EPB41L3: variants seen among roughly 807,000 people sequenced by gnomAD.
The protein encoded by EPB41L3 is erythrocyte membrane protein band 4.1 like 3, also known as band 4.1-like protein 3.
A neutral mutation model predicts 127.1 loss-of-function variants in EPB41L3; 57 were observed. The observed-to-expected ratio is 0.45, with a 90% CI of 0.36 to 0.56. The LOEUF is 0.56. EPB41L3 is among the 20% of genes least tolerant of loss of function. The pLI, the probability that EPB41L3 is intolerant of heterozygous loss-of-function variation, is 0.00. For missense variants in EPB41L3, 1,273 were observed against 1,372.2 expected (o/e 0.93, Z 1.14); for synonymous variants, 572 against 549.5 (o/e 1.04, Z -0.57).
chr18:5,622,483 C>T (rs745901696), intron 1 of EPB41L3, among the ~76,000 whole-genome samples: 10 of 152,184 alleles, frequency 6.6e-5, no homozygotes, highest in Non-Finnish European at 1.3e-4. Context: ...GCAGTTGCTA[C>T]GCATCCCAGT....
chr18:5,403,590 C>CAAAAA (rs199992647), intron 16 of EPB41L3, among the ~76,000 whole-genome samples: 1 of 102,664 alleles, frequency 9.7e-6, no homozygotes, highest in African/African-American at 3.1e-5. Flanking sequence ...TCACTGAGAC[C>CAAAAA]AAAAAAAAAA....
At chr18:5,471,823 G>C (rs928880381) in intron 3 of EPB41L3, among the ~76,000 whole-genome samples, 1 of 152,180 alleles carries the variant, frequency 6.6e-6, no homozygotes, top group African/African-American at 2.4e-5. Context: ...CACGATGTCA[G>C]AATACTAACA....
At chr18:5,510,448 C>T (rs1245805515) in intron 1 of EPB41L3, among the ~76,000 whole-genome samples, 1 of 152,156 alleles carries the variant, frequency 6.6e-6, no homozygotes, top group East Asian at 1.9e-4. Context: ...AAAAAACAAA[C>T]GTGTAGGAGA....
At chr18:5,629,071 G>C (rs917090838), upstream of EPB41L3, 7 of 152,282 alleles carry the variant, frequency 4.6e-5, no homozygotes, top group African/African-American at 1.7e-4. Flanking sequence ...GCCCGCCTCC[G>C]CCAAGCCTCC....
At chr18:5,398,483 C>A in intron 16 of EPB41L3, 1 of 417,634 alleles carries the variant, frequency 2.4e-6, no homozygotes, top group Non-Finnish European at 4.2e-6. Context: ...TGACTTTGCA[C>A]TGCGGTATTG....
At chr18:5,585,813 T>C (rs8082900) in intron 3 of EPB41L3, among the ~76,000 whole-genome samples, 88,828 of 151,214 alleles carry the variant, frequency 0.59, 26,437 homozygotes, top group East Asian at 0.74. Context: ...GACTAAAGAA[T>C]TAGCCTGAGA....
intron 3 of EPB41L3, among the ~76,000 whole-genome samples, chr18:5,573,919 T>C (rs1682342900): frequency 6.6e-6 from 1 of 151,608 alleles, no homozygotes; most frequent in Non-Finnish European, 1.5e-5. Flanking sequence ...ATACCTTTTT[T>C]TTTTTTTTTG....
chr18:5,502,026 T>G (rs2091789773), intron 1 of EPB41L3, among the ~76,000 whole-genome samples: 2 of 148,502 alleles, frequency 1.3e-5, no homozygotes, highest in African/African-American at 5.0e-5. Context: ...TCAGTCGCCA[T>G]CTTCCCTCCT....
intron 13 of EPB41L3, 144 bp downstream of exon 13, chr18:5,415,674 C>G: frequency 1.1e-6 from 1 of 891,366 alleles, no homozygotes. Context: ...TTGGACTCCC[C>G]AACACACAGA....
intron 1 of EPB41L3, among the ~76,000 whole-genome samples, chr18:5,529,928 A>ATATGTGTGTG (rs1555788433): frequency 6.8e-6 from 1 of 146,772 alleles, no homozygotes; most frequent in African/African-American, 2.6e-5. Flanking sequence ...CAACTCATAT[A>ATATGTGTGTG]TGTGTGTGTG....
At chr18:5,455,087 T>C (rs367621620) in intron 3 of EPB41L3, among the ~76,000 whole-genome samples, 13 of 152,174 alleles carry the variant, frequency 8.5e-5, no homozygotes, top group African/African-American at 2.9e-4. Flanking sequence ...GATTGTTGTA[T>C]TAAGATAAAA....
intron 3 of EPB41L3, among the ~76,000 whole-genome samples, chr18:5,593,874 G>T (rs1330769534): frequency 2.0e-5 from 3 of 152,180 alleles, no homozygotes; most frequent in African/African-American, 4.8e-5. Context: ...ATATGGCTCT[G>T]TTCCGCCCGG....
At chr18:5,470,722 T>G (rs2085972653) in intron 3 of EPB41L3, among the ~76,000 whole-genome samples, 1 of 152,224 alleles carries the variant, frequency 6.6e-6, no homozygotes, top group Non-Finnish European at 1.5e-5. Context: ...TCAGACAAGC[T>G]AAAGGTGTAC....
chr18:5,433,463 G>T lies in EPB41L3; in HGVS notation c.912+6C>A. 6.2e-7 allele frequency: 1 copy of T among 1,600,660 alleles called. No homozygotes were observed. On this transcript the variant is annotated splice_donor_region_variant and intron_variant, in intron 8 of 22. Transcript: ENST00000341928. ...TTGAAAGTTTAGGGTTTAAAAAGAT[G>T]CATACCTTAGCATGATGTAAATCTA...
intron 13 of EPB41L3, among the ~76,000 whole-genome samples, chr18:5,413,069 G>A (rs1454003460): frequency 6.6e-6 from 1 of 152,022 alleles, no homozygotes; most frequent in Admixed American, 6.6e-5. Flanking sequence ...ATAGCAACTG[G>A]TATTTCTATA....
chr18:5,437,969 G>A (rs892882804), intron 6 of EPB41L3, 66 bp downstream of exon 6: 7 of 1,404,672 alleles, frequency 5.0e-6, no homozygotes, highest in South Asian at 2.4e-5. Context: ...CGCTCTTTCC[G>A]GAGCATTTAA....
chr18:5,529,340 A>ATC (rs2093337910), intron 1 of EPB41L3, among the ~76,000 whole-genome samples: 1 of 148,314 alleles, frequency 6.7e-6, no homozygotes, highest in Non-Finnish European at 1.5e-5. Context: ...ATATATATAT[A>ATC]TCTTACCTAA....
intron 14 of EPB41L3, among the ~76,000 whole-genome samples, chr18:5,409,547 T>C (rs2075931690): frequency 6.6e-6 from 1 of 152,106 alleles, no homozygotes; most frequent in African/African-American, 2.4e-5. Flanking sequence ...TTTTCAAGCT[T>C]TGGATTGAAC....
chr18:5,399,336 T>G, intron 16 of EPB41L3: 1 of 399,042 alleles, frequency 2.5e-6, no homozygotes, highest in Non-Finnish European at 4.4e-6. Flanking sequence ...CAAATCACCA[T>G]CAACTACCTC....
Sources: allele counts gnomAD v4.1 joint callset (sites outside exome capture counted in the v4.1 genomes callset), GRCh38; gene constraint gnomAD v4.1.1; transcripts MANE v1.5; gene names NCBI Gene and HGNC (gene_info 2026-07-23, HGNC 2026-07-21).